Variants in ROBO1 observed in about 807,000 individuals in gnomAD.
The protein encoded by ROBO1 is roundabout guidance receptor 1, also known as roundabout homolog 1.
In ROBO1, 149 loss-of-function variants were observed where a neutral mutation model predicts 195.9. The ratio of observed to expected loss-of-function variants is 0.76; its 90% CI spans 0.67 to 0.87. ROBO1 has a LOEUF of 0.87. Ranked by LOEUF, ROBO1 falls within the 40% of genes least tolerant of loss-of-function variation. The probability of loss-of-function intolerance (pLI) is 0.00; values close to 1 mark genes in which losing one functional copy is unlikely to be tolerated. For missense variants in ROBO1, 1,933 were observed against 2,068.3 expected (o/e 0.93, Z 1.27); for synonymous variants, 816 against 733.2 (o/e 1.11, Z -1.82).
chr3:79,107,553 A>G (rs990827690), intron 3 of ROBO1, among the ~76,000 whole-genome samples: 9 of 151,654 alleles, frequency 5.9e-5, no homozygotes, highest in African/African-American at 2.2e-4. Context: ...AATTCTTTTT[A>G]AGTAGAATTT....
At chr3:79,721,219 C>G (rs1484231971) in intron 1 of ROBO1, among the ~76,000 whole-genome samples, 1 of 152,124 alleles carries the variant, frequency 6.6e-6, no homozygotes, top group Non-Finnish European at 1.5e-5. Flanking sequence ...AACCCCTGTG[C>G]CAAATCATTG....
chr3:78,840,884 C>A (rs941881734), intron 4 of ROBO1, among the ~76,000 whole-genome samples: 1 of 151,668 alleles, frequency 6.6e-6, no homozygotes, highest in Non-Finnish European at 1.5e-5. Context: ...CATGGTGAAA[C>A]CCCATCTCTA....
At chr3:79,480,436 A>G (rs977304063) in intron 2 of ROBO1, among the ~76,000 whole-genome samples, 1 of 152,134 alleles carries the variant, frequency 6.6e-6, no homozygotes, top group African/African-American at 2.4e-5. Flanking sequence ...TCCTTTCTAG[A>G]TGGGCACACT....
chr3:79,112,063 AC>A (rs1457000182), intron 3 of ROBO1, among the ~76,000 whole-genome samples: 2 of 152,174 alleles, frequency 1.3e-5, no homozygotes, highest in Admixed American at 1.3e-4. Flanking sequence ...ATTGGGTGAA[AC>A]AAAATGTAAG....
intron 1 of ROBO1, among the ~76,000 whole-genome samples, chr3:79,592,728 T>A (rs1391846639): frequency 1.3e-5 from 2 of 152,062 alleles, no homozygotes; most frequent in Non-Finnish European, 2.9e-5. Flanking sequence ...CTGATCAACC[T>A]GCATTGACAC....
intron 8 of ROBO1, among the ~76,000 whole-genome samples, chr3:78,702,264 G>A (rs2089380491): frequency 6.6e-6 from 1 of 152,032 alleles, no homozygotes; most frequent in African/African-American, 2.4e-5. Flanking sequence ...TAAAACCATA[G>A]CAAGCAAATA....
chr3:79,037,841 A>G (rs1241637537), intron 3 of ROBO1, among the ~76,000 whole-genome samples: 2 of 152,222 alleles, frequency 1.3e-5, no homozygotes, highest in Non-Finnish European at 2.9e-5. Context: ...GGAACTAAAC[A>G]TTTCTACAAA....
rs138876749 is a variant in ROBO1, at chr3:79,242,158, A to G, written c.89-116619T>C. 3.2e-3 allele frequency among the ~76,000 whole-genome samples: 481 copies of G among 152,192 alleles called. 3 individuals carry two copies. The highest frequency in any genetic ancestry group is 0.011 in the African/African-American group (460 of 41,516). ...GAATTGAAGCAGCTGCCTTAGAACAAGATGTGAAATTTCTGTGTTGAAGAT... is the reference window on the plus strand; with the variant it reads ...GAATTGAAGCAGCTGCCTTAGAACAGGATGTGAAATTTCTGTGTTGAAGAT... On this transcript the variant is annotated intron_variant, in intron 2 of 30. Coordinates refer to ENST00000464233, the MANE Select transcript of ROBO1 (RefSeq NM_002941.4).
chr3:79,712,444 C>G (rs747788084), intron 1 of ROBO1, among the ~76,000 whole-genome samples: 2 of 152,126 alleles, frequency 1.3e-5, no homozygotes, highest in Admixed American at 6.6e-5. Context: ...GGCTCTAACT[C>G]TCTCCAATTC....
At chr3:79,311,348 C>A (rs547554046) in intron 2 of ROBO1, among the ~76,000 whole-genome samples, 1 of 151,998 alleles carries the variant, frequency 6.6e-6, no homozygotes, top group Non-Finnish European at 1.5e-5. Flanking sequence ...AAAAAGTACG[C>A]GATACTTTGT....
chr3:79,427,366 T>C (rs1449914733), intron 2 of ROBO1, among the ~76,000 whole-genome samples: 2 of 152,172 alleles, frequency 1.3e-5, no homozygotes, highest in Non-Finnish European at 2.9e-5. Context: ...TATTTTACTT[T>C]AGAATAGCCA....
rs34875224 is a variant in ROBO1, at chr3:79,406,248, C to CA, written c.88+183575dup. ...CTGGGAACATAGTGGAACCCAATCT[C>CA]AAAAAAAAAAAAAATCTCTAAAAAA... On this transcript the variant is annotated intron_variant, in intron 2 of 30. Coordinates refer to ENST00000464233, the MANE Select transcript of ROBO1 (RefSeq NM_002941.4). Among the ~76,000 whole-genome samples the CA allele has an allele frequency of 5.1e-3, 700 of 136,428 alleles. 2 individuals carry two copies. Among genetic ancestry groups the CA allele is most frequent in the African/African-American group, 6.8e-3 (246 of 36,214 alleles). The allele number at this position is 136,428 out of a possible 152,430, so 89.5% of individuals were successfully genotyped here.
At chr3:78,794,936 C>T (rs1181223625) in intron 4 of ROBO1, among the ~76,000 whole-genome samples, 1 of 152,096 alleles carries the variant, frequency 6.6e-6, no homozygotes, top group Non-Finnish European at 1.5e-5. Context: ...AACAAAGTAA[C>T]TCCAAATGAT....
intron 4 of ROBO1, among the ~76,000 whole-genome samples, chr3:78,825,172 T>C (rs2031471869): frequency 6.6e-6 from 1 of 152,176 alleles, no homozygotes; most frequent in Non-Finnish European, 1.5e-5. Flanking sequence ...ATACCCTATA[T>C]AGTTCCCATT....
chr3:79,021,293 C>CG (rs368341669), intron 3 of ROBO1, among the ~76,000 whole-genome samples: 106 of 152,194 alleles, frequency 7.0e-4, no homozygotes, highest in African/African-American at 2.4e-3. Flanking sequence ...ATACAAAATA[C>CG]TTTTAAGAGA....
At chr3:79,602,648 C>T (rs561187127) in intron 1 of ROBO1, among the ~76,000 whole-genome samples, 1 of 151,876 alleles carries the variant, frequency 6.6e-6, no homozygotes, top group Non-Finnish European at 1.5e-5. Context: ...AGTTGGATTG[C>T]AAATTAATTT....
At chr3:79,424,624 C>T (rs4444671) in intron 2 of ROBO1, among the ~76,000 whole-genome samples, 42,101 of 151,942 alleles carry the variant, frequency 0.28, 6,390 homozygotes, top group East Asian at 0.38. Flanking sequence ...TCATTCTTCT[C>T]TTACTTTTTC....
At chr3:78,988,357 A>G (rs1388268546) in intron 3 of ROBO1, among the ~76,000 whole-genome samples, 1 of 152,150 alleles carries the variant, frequency 6.6e-6, no homozygotes, top group African/African-American at 2.4e-5. Context: ...GAGGATTTCA[A>G]TTAGCAAAAA....
rs149306958 is a variant in ROBO1 at position 79,260,087 on chromosome 3, TACAC to T, written c.89-134552_89-134549del. On this transcript the variant is annotated intron_variant, in intron 2 of 30. Transcript: ENST00000464233. ...TGTACTGAACTTGCTTAAATATATGTACACACACACACACACACAAATATATATA... is the reference window on the plus strand; with the variant it reads ...TGTACTGAACTTGCTTAAATATATGTACACACACACACACAAATATATATA... Among the ~76,000 whole-genome samples, 34 of 148,758 alleles carry T rather than the reference TACAC, an allele frequency of 2.3e-4. 1 individual carries two copies. The highest frequency in any genetic ancestry group is 2.2e-3 in the East Asian group (11 of 5,108).
Sources: gnomAD v4.1 joint callset for allele counts (sites outside exome capture counted in the v4.1 genomes callset) on GRCh38, gnomAD v4.1.1 for gene constraint, MANE v1.5 for transcripts, NCBI Gene and HGNC (gene_info 2026-07-23, HGNC 2026-07-21) for gene names.